The following LRPPRC variants were observed in gnomAD, a reference collection of about 807,000 sequenced individuals.
LRPPRC encodes leucine rich pentatricopeptide repeat containing, also known as leucine-rich PPR motif-containing protein, mitochondrial.
Under a neutral mutation model 180.3 loss-of-function variants are expected in LRPPRC, and 120 were observed. The ratio of observed to expected loss-of-function variants is 0.67; its 90% CI spans 0.57 to 0.77. The LOEUF is 0.77. LRPPRC is among the 30% of genes least tolerant of loss of function. LRPPRC has a pLI of 0.00. For missense variants in LRPPRC, 2,012 were observed against 1,657.2 expected (o/e 1.21, Z -3.72); for synonymous variants, 723 against 600.0 (o/e 1.21, Z -3.00).
chr2:43,917,944 A>G, intron 29 of LRPPRC, 81 bp downstream of exon 29: 1 of 932,020 alleles, frequency 1.1e-6, no homozygotes, highest in Non-Finnish European at 1.7e-6. Context: ...AGCACTTCTA[A>G]TTGGTTGGGC....
chr2:43,993,410 A>T (rs1559077008), intron 1 of LRPPRC, among the ~76,000 whole-genome samples: 1 of 152,248 alleles, frequency 6.6e-6, no homozygotes, highest in South Asian at 2.1e-4. Flanking sequence ...CAATAAAAAA[A>T]TCAATAAGAT....
At chr2:43,986,765 T>G (rs1674543835) in intron 1 of LRPPRC, among the ~76,000 whole-genome samples, 1 of 152,152 alleles carries the variant, frequency 6.6e-6, no homozygotes, top group Non-Finnish European at 1.5e-5. Flanking sequence ...AAGAAACTAA[T>G]CTGGCTGCAA....
At chr2:43,895,196 G>A (rs1049673152) in intron 35 of LRPPRC, among the ~76,000 whole-genome samples, 1 of 152,044 alleles carries the variant, frequency 6.6e-6, no homozygotes, top group African/African-American at 2.4e-5. Context: ...CTACTCCAAC[G>A]TTACTGGATA....
intron 27 of LRPPRC, among the ~76,000 whole-genome samples, chr2:43,922,192 T>C (rs1445848057): frequency 1.3e-5 from 2 of 152,194 alleles, no homozygotes; most frequent in East Asian, 1.9e-4. Context: ...TTGTAACAGA[T>C]CATGTTATAT....
In LRPPRC at chr2:43,973,862, C is replaced by A; in HGVS notation, c.1194G>T (p.Lys398Asn). 3 of 1,613,436 alleles carry A rather than the reference C, an allele frequency of 1.9e-6. No homozygotes were observed. Among genetic ancestry groups the A allele is most frequent in the South Asian group, 1.1e-5 (1 of 91,070 alleles). ...GAGGAAAGGAGTGCATCTGGACTTCCTTTAACTTCTTACAGTAGTCTGTTA... is the reference window on the plus strand; with the variant it reads ...GAGGAAAGGAGTGCATCTGGACTTCATTTAACTTCTTACAGTAGTCTGTTA... ...EKLTDYCKKLKEVQMHSFPLQ... is the reference protein window; with the variant it reads ...EKLTDYCKKLNEVQMHSFPLQ... The change falls in exon 10 of 38, where the codon AAG becomes AAT. Residue 398 changes from lysine to asparagine, a missense_variant. Coordinates refer to ENST00000260665, the MANE Select transcript of LRPPRC (RefSeq NM_133259.4).
chr2:43,979,483 T>C (rs1004035546), intron 3 of LRPPRC, among the ~76,000 whole-genome samples: 2 of 152,216 alleles, frequency 1.3e-5, no homozygotes, highest in Non-Finnish European at 2.9e-5. Context: ...CAATGAAGAA[T>C]ATCCTTTTGC....
chr2:43,918,797 A>C (rs1203995094), intron 27 of LRPPRC, among the ~76,000 whole-genome samples: 1 of 35,174 alleles, frequency 2.8e-5, no homozygotes, highest in South Asian at 8.4e-4. Flanking sequence ...ATATAGATAT[A>C]TATATATATA....
At position 43,918,310 on chromosome 2, in the gene LRPPRC, T is replaced by C. The variant is rs748319985; in HGVS notation, c.2985A>G (p.Leu995=). Residue 995 remains leucine, a synonymous_variant, in exon 28 of 38, where the codon TTA becomes TTG. Transcript: ENST00000260665. ...NVIPREKTLR[L]LAEILREGNQ... is the part of the protein sequence containing the mutation. ...TACCCTCTCTAAGGATTTCTGCTAA[T>C]AATCTTAATGTCTTTTCACGAGGAA... 1.2e-6 allele frequency: 2 copies of C among 1,611,014 alleles called. No homozygotes were observed.
intron 37 of LRPPRC, among the ~76,000 whole-genome samples, chr2:43,889,332 AAAAAAAAGGC>A (rs1305474982): frequency 1.3e-4 from 19 of 151,026 alleles, no homozygotes; most frequent in African/African-American, 4.1e-4. Context: ...AAAAAAAAAA[AAAAAAAAGGC>A]AAAATTTCCT....
intron 11 of LRPPRC, among the ~76,000 whole-genome samples, chr2:43,965,825 C>T (rs912205073): frequency 1.3e-5 from 2 of 152,180 alleles, no homozygotes. Context: ...TATCACCTTA[C>T]ACCTGTCAGA....
intron 9 of LRPPRC, 104 bp downstream of exon 9, chr2:43,974,046 T>G: frequency 7.9e-7 from 1 of 1,272,868 alleles, no homozygotes; most frequent in Non-Finnish European, 1.2e-6. Flanking sequence ...AGAACATTGT[T>G]ATGATGTTTA....
intron 1 of LRPPRC, among the ~76,000 whole-genome samples, chr2:43,995,546 G>A (rs1464171626): frequency 6.6e-6 from 1 of 152,232 alleles, no homozygotes. Context: ...GGGCAGTAAG[G>A]TCCAGGCTGA....
chr2:43,969,070 A>G (rs1295128300), intron 11 of LRPPRC, among the ~76,000 whole-genome samples: 5 of 152,216 alleles, frequency 3.3e-5, no homozygotes, highest in South Asian at 4.1e-4. Flanking sequence ...ATCTTCTAAC[A>G]AAAGTATAAA....
intron 1 of LRPPRC, 127 bp from the exon 2 acceptor site, chr2:43,982,561 G>T: frequency 1.4e-6 from 1 of 715,810 alleles, no homozygotes. Flanking sequence ...ACCAAAAATA[G>T]AGGTATGAAC....
chr2:43,889,045 A>G lies in LRPPRC; in HGVS notation c.4129-389T>C, dbSNP rs539260742. On this transcript the variant is annotated intron_variant, in intron 37 of 37. Coordinates refer to ENST00000260665, the MANE Select transcript of LRPPRC (RefSeq NM_133259.4). ...TTATTAAAGAAAACATGCCGGGCAC[A>G]GTGGCTCACGCCTGTAATCCCGGCA... Among the ~76,000 whole-genome samples the G allele has an allele frequency of 3.9e-5, 6 of 152,226 alleles. No individual in the cohort carries two copies. In the South Asian group the frequency reaches 6.2e-4, roughly 16 times the overall value.
chr2:43,971,350 G>C (rs184510989), intron 11 of LRPPRC, among the ~76,000 whole-genome samples: 1 of 151,842 alleles, frequency 6.6e-6, no homozygotes, highest in African/African-American at 2.4e-5. Flanking sequence ...CTAGTAAGAT[G>C]AGCCATGAGG....
chr2:43,976,027 T>C (rs1292957847), intron 6 of LRPPRC, 116 bp downstream of exon 6: 5 of 670,620 alleles, frequency 7.5e-6, no homozygotes, highest in South Asian at 5.1e-5. Context: ...AAGAACTGTC[T>C]ACAATAATTT....
At chr2:43,897,529 T>C (rs1232227958) in intron 34 of LRPPRC, among the ~76,000 whole-genome samples, 1 of 152,114 alleles carries the variant, frequency 6.6e-6, no homozygotes, top group African/African-American at 2.4e-5. Flanking sequence ...TTTTGACATC[T>C]GTGAATAAAG....
In LRPPRC at chr2:43,918,387, C is replaced by T. The variant is rs1200804824; in HGVS notation, c.2908G>A (p.Asp970Asn). 2 of 1,609,534 alleles carry T rather than the reference C, an allele frequency of 1.2e-6. No homozygotes were observed. The highest frequency in any genetic ancestry group is 1.7e-6 in the Non-Finnish European group (2 of 1,175,994). Reference protein sequence around the residue: ...NLLKLYKINGDWQRADAVWNK... With the variant: ...NLLKLYKINGNWQRADAVWNK... The stretch of plus-strand genomic sequence containing the variant: ...CAGACTGCATCAGCTCTTTGCCAGT[C>T]ACCGTTTATTTCTGTAGAATTTGAT... Residue 970 changes from aspartate (D) to asparagine (N), a missense_variant, in exon 28 of 38, where the codon GAC (aspartate) becomes AAC (asparagine). Physicochemically the swap from Asp to Asn is conservative, Grantham distance 23. Coordinates refer to ENST00000260665, the MANE Select transcript of LRPPRC (RefSeq NM_133259.4).
Sources: gnomAD v4.1 joint callset for allele counts (sites outside exome capture counted in the v4.1 genomes callset) on GRCh38, gnomAD v4.1.1 for gene constraint, MANE v1.5 for transcripts, NCBI Gene and HGNC (gene_info 2026-07-23, HGNC 2026-07-21) for gene names.